The following GRID2 variants were observed in gnomAD, a reference collection of about 807,000 sequenced individuals.
The protein encoded by GRID2 is glutamate receptor ionotropic, delta-2.
A neutral mutation model predicts 114.8 loss-of-function variants in GRID2; 33 were observed. The ratio of observed to expected loss-of-function variants is 0.29; its 90% CI spans 0.22 to 0.38. The LOEUF (loss-of-function observed/expected upper bound fraction) is 0.38, where lower values mean the gene tolerates loss of function less well. GRID2 is among the 10% of genes least tolerant of loss of function. The pLI, the probability that GRID2 is intolerant of heterozygous loss-of-function variation, is 1.00. For synonymous variants in GRID2, 505 were observed against 449.9 expected, an observed-to-expected ratio of 1.12 and a Z score of -1.55; for missense variants, 1,184 against 1,257.7, an observed-to-expected ratio of 0.94 and a Z score of 0.89.
chr4:93,459,221 G>A (rs1337862556), intron 11 of GRID2, among the ~76,000 whole-genome samples: 1 of 150,100 alleles, frequency 6.7e-6, no homozygotes, highest in African/African-American at 2.5e-5. Context: ...AGAGTAGTTA[G>A]GAGAGAGTAG....
At chr4:92,520,444 TG>T (rs1454929161) in intron 1 of GRID2, among the ~76,000 whole-genome samples, 1 of 151,920 alleles carries the variant, frequency 6.6e-6, no homozygotes, top group African/African-American at 2.4e-5. Context: ...TGGGCATAGC[TG>T]GTGTTTATAA....
intron 1 of GRID2, among the ~76,000 whole-genome samples, chr4:92,450,242 G>A (rs1019731817): frequency 2.6e-5 from 4 of 152,030 alleles, no homozygotes; most frequent in South Asian, 4.1e-4. Flanking sequence ...ATGTATAATA[G>A]GTGCAGAATT....
At chr4:92,552,269 C>T (rs962977750) in intron 1 of GRID2, among the ~76,000 whole-genome samples, 1 of 151,204 alleles carries the variant, frequency 6.6e-6, no homozygotes, top group African/African-American at 2.4e-5. Flanking sequence ...TAGTAATATC[C>T]CAGAAAACTG....
intron 2 of GRID2, among the ~76,000 whole-genome samples, chr4:92,856,437 C>A (rs1268991524): frequency 6.6e-6 from 1 of 152,092 alleles, no homozygotes; most frequent in Non-Finnish European, 1.5e-5. Context: ...GTTTATCCCT[C>A]TAATGGCAAC....
intron 2 of GRID2, among the ~76,000 whole-genome samples, chr4:92,747,204 AC>A (rs1262614687): frequency 6.6e-6 from 1 of 152,050 alleles, no homozygotes; most frequent in East Asian, 1.9e-4. Flanking sequence ...AAGACAGGTT[AC>A]TTTTATTGTA....
At position 93,352,378 on chromosome 4, in the gene GRID2, C is replaced by G. The variant is rs187117707; in HGVS notation, c.1246-43229C>G. 5.3e-5 allele frequency among the ~76,000 whole-genome samples: 8 copies of G among 151,974 alleles called. No homozygotes were observed. The East Asian group carries it at 1.5e-3, about 29-fold the overall frequency. ...ACCCTGGAAAAATTAATCTTGTTGC[C>G]CTGCAATCAGAGCCAGCCAGGAAAA... On this transcript the variant is annotated intron_variant, in intron 8 of 15. Transcript: ENST00000282020.
chr4:92,553,895 C>T (rs949718326), intron 1 of GRID2, among the ~76,000 whole-genome samples: 3 of 152,178 alleles, frequency 2.0e-5, no homozygotes, highest in African/African-American at 7.2e-5. Flanking sequence ...CATGATCCAC[C>T]TGCCTTGGCC....
chr4:93,723,378 C>T (rs1459589799), intron 14 of GRID2, among the ~76,000 whole-genome samples: 3 of 152,068 alleles, frequency 2.0e-5, no homozygotes, highest in African/African-American at 7.2e-5. Flanking sequence ...AAATATTAAA[C>T]AGCTGCATTT....
chr4:93,777,018 A>G (rs1430954883), downstream of GRID2, among the ~76,000 whole-genome samples: 2 of 152,170 alleles, frequency 1.3e-5, no homozygotes, highest in East Asian at 3.9e-4. Context: ...TACTGCAACT[A>G]AAACTCCGTG....
intron 9 of GRID2, among the ~76,000 whole-genome samples, chr4:93,407,473 T>A (rs1766568910): frequency 6.6e-6 from 1 of 152,104 alleles, no homozygotes; most frequent in South Asian, 2.1e-4. Flanking sequence ...ATACAGAGGT[T>A]TTGGTTTTAA....
intron 2 of GRID2, among the ~76,000 whole-genome samples, chr4:93,021,129 C>T (rs984348424): frequency 1.3e-4 from 20 of 151,526 alleles, no homozygotes; most frequent in Middle Eastern, 3.5e-3. Context: ...ATTGATATTT[C>T]AGTTATTTTT....
intron 2 of GRID2, among the ~76,000 whole-genome samples, chr4:93,030,869 G>A (rs1425452172): frequency 6.6e-6 from 1 of 151,894 alleles, no homozygotes; most frequent in East Asian, 1.9e-4. Flanking sequence ...GAGAGGAAAG[G>A]AATGGGAAAG....
intron 2 of GRID2, among the ~76,000 whole-genome samples, chr4:92,982,611 C>T (rs1185213066): frequency 6.6e-6 from 1 of 151,988 alleles, no homozygotes; most frequent in Non-Finnish European, 1.5e-5. Context: ...TCATCTTTCA[C>T]CAGGATTTTT....
intron 14 of GRID2, among the ~76,000 whole-genome samples, chr4:93,694,525 C>T (rs753523336): frequency 3.2e-4 from 49 of 152,192 alleles, no homozygotes; most frequent in Admixed American, 9.2e-4. Flanking sequence ...CTTTCCATTG[C>T]ATTGACTTAT....
At chr4:92,848,254 T>C (rs1220399849) in intron 2 of GRID2, among the ~76,000 whole-genome samples, 3 of 151,480 alleles carry the variant, frequency 2.0e-5, no homozygotes, top group African/African-American at 7.3e-5. Flanking sequence ...TAGTTGCTAA[T>C]TATTTACCAG....
At chr4:92,478,218 C>G (rs1299818557) in intron 1 of GRID2, among the ~76,000 whole-genome samples, 2 of 151,936 alleles carry the variant, frequency 1.3e-5, no homozygotes, top group East Asian at 1.9e-4. Context: ...CCTGCCTAAG[C>G]TAAATGTAAC....
At chr4:93,427,503 C>G (rs1447988566) in intron 10 of GRID2, among the ~76,000 whole-genome samples, 3 of 151,942 alleles carry the variant, frequency 2.0e-5, no homozygotes. Flanking sequence ...GAATGTTTCA[C>G]ATAGTGCAAT....
chr4:93,473,914 A>G (rs185035372), intron 11 of GRID2, among the ~76,000 whole-genome samples: 1 of 152,244 alleles, frequency 6.6e-6, no homozygotes, highest in East Asian at 1.9e-4. Context: ...TCTATTTTCA[A>G]TAAATTTATG....
In GRID2 at chr4:93,663,164, C is replaced by G. The variant is rs182525429; in HGVS notation, c.2360+36729C>G. On this transcript the variant is annotated intron_variant, in intron 14 of 15. Transcript: ENST00000282020. ...TCTCATGCTATCATAACCCAAATTT[C>G]TCTAGGCCTTGCCAATTGAGGAATG... is the stretch of plus-strand genomic sequence containing the variant. Among the ~76,000 whole-genome samples the G allele has an allele frequency of 5.9e-4, 90 of 152,302 alleles. 1 individual carries two copies. Among genetic ancestry groups the G allele is most frequent in the African/African-American group, 2.1e-3 (89 of 41,554 alleles).
Sources: gnomAD v4.1 joint callset for allele counts (sites outside exome capture counted in the v4.1 genomes callset) on GRCh38, gnomAD v4.1.1 for gene constraint, MANE v1.5 for transcripts, NCBI Gene and HGNC (gene_info 2026-07-23, HGNC 2026-07-21) for gene names.